SUCLA2: variants seen among roughly 807,000 people sequenced by gnomAD.
SUCLA2 encodes succinate-CoA ligase ADP-forming subunit beta, also known as succinate--CoA ligase [ADP-forming] subunit beta, mitochondrial.
SUCLA2 carries 30 observed loss-of-function variants against 54.8 expected under a neutral mutation model. That is an observed-to-expected ratio of 0.55 (90% CI 0.41 to 0.74). The LOEUF (loss-of-function observed/expected upper bound fraction) is 0.74. Ranked by LOEUF, SUCLA2 falls within the 30% of genes least tolerant of loss-of-function variation. The pLI, the probability that SUCLA2 is intolerant of heterozygous loss-of-function variation, is 0.00. For missense variants in SUCLA2, 476 were observed against 562.9 expected, an observed-to-expected ratio of 0.85 and a Z score of 1.56; for synonymous variants, 172 against 188.9, an observed-to-expected ratio of 0.91 and a Z score of 0.74.
chr13:47,976,067 TGA>T (rs1320293469), intron 4 of SUCLA2, among the ~76,000 whole-genome samples: 1 of 152,130 alleles, frequency 6.6e-6, no homozygotes, highest in African/African-American at 2.4e-5. Flanking sequence ...GGCAACATAG[TGA>T]GAACCTGTCT....
At chr13:47,959,453 A>T (rs374201928) in intron 6 of SUCLA2, among the ~76,000 whole-genome samples, 1,550 of 118,630 alleles carry the variant, frequency 0.013, 12 homozygotes, top group South Asian at 0.03. Flanking sequence ...GAGGGGGAGG[A>T]GGAGAGGTGG....
rs750313892 is a variant in SUCLA2 at position 47,996,978 on chromosome 13, G to T, written c.136C>A (p.Gln46Lys). 1.9e-6 allele frequency: 3 copies of T among 1,614,070 alleles called. No homozygotes were observed. Among genetic ancestry groups the T allele is most frequent in the Non-Finnish European group, 8.5e-7 (1 of 1,180,002 alleles). The change falls in exon 2 of 11, where the codon CAG (glutamine) becomes AAG (lysine). Residue 46 changes from glutamine (Q) to lysine (K), a missense_variant. Gln to Lys is a moderately conservative substitution (Grantham distance 53). Around this residue, in one of 2 missense-constraint regions of SUCLA2, gnomAD observed 134 missense variants for 118.7 expected, o/e 1.13. Coordinates refer to ENST00000646932, the MANE Select transcript of SUCLA2 (RefSeq NM_003850.3). ...GAGAGATTCCTTTGCTGTTGCTGCTGTACTTGGAGTCCATGGTTATTAAAC... is the reference window on the plus strand; with the variant it reads ...GAGAGATTCCTTTGCTGTTGCTGCTTTACTTGGAGTCCATGGTTATTAAAC... ...GLFNNHGLQV[Q>K]QQQQRNLSLH...
At chr13:47,963,701 T>C (rs973828038) in intron 6 of SUCLA2, among the ~76,000 whole-genome samples, 4 of 151,972 alleles carry the variant, frequency 2.6e-5, no homozygotes, top group African/African-American at 9.7e-5. Context: ...TTTATGTACG[T>C]GTACAAACAT....
intron 2 of SUCLA2, among the ~76,000 whole-genome samples, chr13:47,994,567 CAAAA>C (rs777506622): frequency 1.3e-4 from 6 of 44,880 alleles, no homozygotes; most frequent in Non-Finnish European, 3.0e-4. Flanking sequence ...GACTCCGTCT[CAAAA>C]AAAAAAAAAA....
chr13:47,968,007 A>G (rs948280963), intron 6 of SUCLA2, among the ~76,000 whole-genome samples: 1 of 152,184 alleles, frequency 6.6e-6, no homozygotes, highest in Non-Finnish European at 1.5e-5. Flanking sequence ...TAAAGACCCC[A>G]TATACATAAA....
chr13:47,956,689 C>T (rs1395472184), intron 6 of SUCLA2, among the ~76,000 whole-genome samples: 1 of 152,168 alleles, frequency 6.6e-6, no homozygotes, highest in African/African-American at 2.4e-5. Context: ...TTTTGTCCCA[C>T]AGGGGACATC....
intron 5 of SUCLA2, among the ~76,000 whole-genome samples, chr13:47,969,721 T>C (rs1949947331): frequency 6.6e-6 from 1 of 152,228 alleles, no homozygotes; most frequent in African/African-American, 2.4e-5. Flanking sequence ...TCTTTTGATT[T>C]TCAATAACAA....
At position 47,943,305 on chromosome 13, in the gene SUCLA2, C is replaced by G. The variant is rs1173990203; in HGVS notation, c.*66G>C. The G allele has an allele frequency of 1.4e-6, 2 of 1,463,798 alleles. No individual in the cohort carries two copies. Among genetic ancestry groups the G allele is most frequent in the African/African-American group, 2.8e-5 (2 of 71,806 alleles). The allele number at this position is 1,463,798 out of a possible 1,614,324, so 90.7% of individuals were successfully genotyped here. A position where few individuals can be genotyped will look rare whatever the true frequency, so the allele number is the denominator to read the frequency against. On this transcript the variant is annotated 3_prime_UTR_variant, in exon 11 of 11. Transcript: ENST00000646932. ...ACTAAAAAGAAAAAGAACAATAACACAGAACACAGTATTCTTAATGATTAT... is the reference window on the plus strand; with the variant it reads ...ACTAAAAAGAAAAAGAACAATAACAGAGAACACAGTATTCTTAATGATTAT...
chr13:47,986,607 A>C (rs1241973281), intron 4 of SUCLA2, among the ~76,000 whole-genome samples: 1 of 152,178 alleles, frequency 6.6e-6, no homozygotes, highest in Non-Finnish European at 1.5e-5. Flanking sequence ...TTTCATCATG[A>C]ATCTTTGCCC....
At chr13:47,970,744 C>T (rs1172326325) in intron 5 of SUCLA2, among the ~76,000 whole-genome samples, 1 of 152,122 alleles carries the variant, frequency 6.6e-6, no homozygotes, top group Non-Finnish European at 1.5e-5. Flanking sequence ...CCTGTAATCC[C>T]AGCTACCTGG....
chr13:47,959,509 A>G (rs1593482850), intron 6 of SUCLA2, among the ~76,000 whole-genome samples: 5 of 120,670 alleles, frequency 4.1e-5, no homozygotes, highest in Admixed American at 3.5e-4. Flanking sequence ...CGGGGGGAGG[A>G]GGAGGAGGAG....
chr13:47,949,653 C>A (rs750942106), intron 8 of SUCLA2, 50 bp from the exon 9 acceptor site: 28 of 1,590,512 alleles, frequency 1.8e-5, no homozygotes, highest in Middle Eastern at 1.7e-4. Context: ...AATTTAAGTT[C>A]TTTTCCCCAA....
chr13:47,979,085 A>G (rs1950040910), intron 4 of SUCLA2, among the ~76,000 whole-genome samples: 2 of 152,218 alleles, frequency 1.3e-5, no homozygotes, highest in South Asian at 4.1e-4. Context: ...AATTAGTTCC[A>G]CCATTGTGGA....
At chr13:47,992,363 A>G (rs1285440317) in intron 2 of SUCLA2, among the ~76,000 whole-genome samples, 2 of 150,922 alleles carry the variant, frequency 1.3e-5, no homozygotes, top group Non-Finnish European at 2.9e-5. Context: ...TCCTTCTAAA[A>G]AAAAAAAGCC....
chr13:47,986,438 T>C (rs1057111898), intron 4 of SUCLA2, among the ~76,000 whole-genome samples: 2 of 152,220 alleles, frequency 1.3e-5, no homozygotes, highest in South Asian at 2.1e-4. Context: ...AAACTTTGGA[T>C]ATTAGACCTT....
rs1555255588 is a variant in SUCLA2 at position 47,943,766 on chromosome 13, G to GTATATATATA, written c.1318-331_1318-322dup. On this transcript the variant is annotated intron_variant, in intron 10 of 10. Transcript: ENST00000646932. ...TGTATGTGTGTGTGTGTGTGTGTGTGTATATATATATATATTATTCTAAAT... is the reference window on the plus strand; with the variant it reads ...TGTATGTGTGTGTGTGTGTGTGTGTGTATATATATATATATATATATATATTATTCTAAAT... 8.7e-4 allele frequency among the ~76,000 whole-genome samples: 122 copies of GTATATATATA among 139,648 alleles called. 1 individual carries two copies. Among genetic ancestry groups the GTATATATATA allele is most frequent in the African/African-American group, 3.0e-3 (112 of 37,262 alleles). The allele number at this position is 139,648 out of a possible 152,430, so 91.6% of individuals were successfully genotyped here. A position where few individuals can be genotyped will look rare whatever the true frequency, so the allele number is the denominator to read the frequency against.
intron 6 of SUCLA2, among the ~76,000 whole-genome samples, chr13:47,959,447 G>GAGAA (rs1311384995): frequency 7.3e-4 from 96 of 132,098 alleles, no homozygotes; most frequent in Middle Eastern, 4.0e-3. Flanking sequence ...GAGGAGGAGG[G>GAGAA]GGAGGAGGAG....
intron 4 of SUCLA2, among the ~76,000 whole-genome samples, chr13:47,976,448 T>C (rs932394244): frequency 6.6e-6 from 1 of 152,174 alleles, no homozygotes; most frequent in African/African-American, 2.4e-5. Context: ...AGAACACATG[T>C]TCAACATTCC....
rs9567973 is a variant in SUCLA2, at chr13:48,001,242, G to A, written c.28C>T (p.Leu10=). 4.4e-6 allele frequency: 7 copies of A among 1,604,242 alleles called. No individual in the cohort carries two copies. Among genetic ancestry groups the A allele is most frequent in the Middle Eastern group, 1.7e-4 (1 of 6,050 alleles). Residue 10 remains leucine (L), a synonymous_variant, in exon 1 of 11, where the codon CTA becomes TTA. Transcript: ENST00000646932. ...TTCCGAAGGGTGGCCACGGCCACTAGCCTGCCGTAGAACATGGAGGCCGCC... is the reference window on the plus strand; with the variant it reads ...TTCCGAAGGGTGGCCACGGCCACTAACCTGCCGTAGAACATGGAGGCCGCC... The part of the protein sequence containing the change: MAASMFYGR[L]VAVATLRNHR...
Sources: allele counts gnomAD v4.1 joint callset (sites outside exome capture counted in the v4.1 genomes callset), GRCh38; gene constraint gnomAD v4.1.1; regional missense constraint gnomAD v4.1.1; transcripts MANE v1.5; gene names NCBI Gene and HGNC (gene_info 2026-07-23, HGNC 2026-07-21).